Variants in ZNF385D observed in about 807,000 individuals in gnomAD.
ZNF385D encodes zinc finger protein 385D, also known as zinc finger protein 659.
Under a neutral mutation model 35.8 loss-of-function variants are expected in ZNF385D, and 15 were observed. The ratio of observed to expected loss-of-function variants is 0.42; its 90% CI spans 0.28 to 0.64. The LOEUF (loss-of-function observed/expected upper bound fraction) is 0.64. ZNF385D is among the 30% of genes least tolerant of loss of function. The pLI, the probability that ZNF385D is intolerant of heterozygous loss-of-function variation, is 0.23. For missense variants in ZNF385D, 474 were observed against 494.6 expected, an observed-to-expected ratio of 0.96 and a Z score of 0.39; for synonymous variants, 212 against 186.8, an observed-to-expected ratio of 1.13 and a Z score of -1.10.
intron 4 of ZNF385D, among the ~76,000 whole-genome samples, chr3:21,481,831 A>G (rs1704648935): frequency 6.6e-6 from 1 of 152,164 alleles, no homozygotes; most frequent in South Asian, 2.1e-4. Flanking sequence ...GTAGGTGCTC[A>G]ATATATAACT....
intron 2 of ZNF385D, among the ~76,000 whole-genome samples, chr3:22,229,726 C>A (rs1247793608): frequency 6.6e-6 from 1 of 152,182 alleles, no homozygotes; most frequent in Middle Eastern, 3.2e-3. Context: ...CAGCAATAGA[C>A]AAGTGGTCAC....
chr3:21,414,646 T>G lies in ZNF385D; in HGVS notation c.*6568A>C, dbSNP rs1279898887. 6.6e-6 allele frequency: 1 copy of G among 152,088 alleles called. No individual in the cohort carries two copies. The highest frequency in any genetic ancestry group is 1.9e-4 in the East Asian group (1 of 5,176). The allele number at this position is 152,088 out of a possible 1,614,324, so 9.4% of individuals were successfully genotyped here. A position where few individuals can be genotyped will look rare whatever the true frequency, so the allele number is the denominator to read the frequency against. Reference sequence around the variant, plus strand: ...TCCCTATTTTTATCAGAGAGAATCATCAAAATGTCAAGTGAATTGGCCCAG... The same window carrying G: ...TCCCTATTTTTATCAGAGAGAATCAGCAAAATGTCAAGTGAATTGGCCCAG... On this transcript the variant is annotated 3_prime_UTR_variant, in exon 8 of 8. Coordinates refer to ENST00000281523, the MANE Select transcript of ZNF385D (RefSeq NM_024697.3).
chr3:21,501,147 A>T (rs560826410), intron 4 of ZNF385D, among the ~76,000 whole-genome samples: 1 of 152,104 alleles, frequency 6.6e-6, no homozygotes, highest in Non-Finnish European at 1.5e-5. Context: ...TCCAGCCTCT[A>T]TATATACCTG....
intron 1 of ZNF385D, among the ~76,000 whole-genome samples, chr3:21,710,867 A>G (rs950082937): frequency 1.8e-4 from 27 of 152,040 alleles, no homozygotes; most frequent in Admixed American, 5.2e-4. Flanking sequence ...TGATGTTAAG[A>G]AGTTCTTCTT....
chr3:22,229,443 G>T (rs1305046075), intron 2 of ZNF385D, among the ~76,000 whole-genome samples: 2 of 152,136 alleles, frequency 1.3e-5, no homozygotes, highest in African/African-American at 4.8e-5. Flanking sequence ...CTGAAACTCA[G>T]GCACTCCAGG....
chr3:22,118,453 C>T (rs755095740), intron 3 of ZNF385D, among the ~76,000 whole-genome samples: 33 of 151,996 alleles, frequency 2.2e-4, no homozygotes, highest in Non-Finnish European at 7.4e-5. Context: ...GGAGTGAAAA[C>T]ATGGTTGCTG....
At chr3:22,226,622 A>T (rs1698572029) in intron 2 of ZNF385D, among the ~76,000 whole-genome samples, 1 of 152,194 alleles carries the variant, frequency 6.6e-6, no homozygotes, top group Non-Finnish European at 1.5e-5. Context: ...TCATTTGTTT[A>T]TGATATGCTT....
At chr3:22,229,001 G>C (rs1268965045) in intron 2 of ZNF385D, among the ~76,000 whole-genome samples, 1 of 152,204 alleles carries the variant, frequency 6.6e-6, no homozygotes, top group Non-Finnish European at 1.5e-5. Context: ...TTAGGACTTG[G>C]ACTGGCTTCC....
intron 3 of ZNF385D, among the ~76,000 whole-genome samples, chr3:22,003,772 C>T (rs4858374): frequency 1 from 151,870 of 151,872 alleles, 75,934 homozygotes; most frequent in Middle Eastern, 1. Flanking sequence ...GTGGCTGAGG[C>T]GGGAGAATTG....
intron 2 of ZNF385D, among the ~76,000 whole-genome samples, chr3:22,231,157 T>A (rs1196516118): frequency 6.6e-6 from 1 of 151,814 alleles, no homozygotes; most frequent in Non-Finnish European, 1.5e-5. Context: ...AAGAAAGAAA[T>A]AGCCAAAAAG....
chr3:22,020,331 C>CT (rs200875758), intron 3 of ZNF385D, among the ~76,000 whole-genome samples: 1 of 151,548 alleles, frequency 6.6e-6, no homozygotes, highest in Non-Finnish European at 1.5e-5. Context: ...TTGGTGAAAG[C>CT]TTTTTTTTCT....
At chr3:22,167,749 T>G (rs543168731) in intron 3 of ZNF385D, among the ~76,000 whole-genome samples, 3 of 152,344 alleles carry the variant, frequency 2.0e-5, no homozygotes, top group South Asian at 4.1e-4. Flanking sequence ...ATCTTATGCC[T>G]ATAGAATTTA....
At chr3:21,718,569 T>G (rs2068418440) in intron 1 of ZNF385D, among the ~76,000 whole-genome samples, 1 of 152,230 alleles carries the variant, frequency 6.6e-6, no homozygotes, top group Non-Finnish European at 1.5e-5. Context: ...TGCCATTATC[T>G]CTATAGATGA....
chr3:22,301,650 A>T (rs1289005009), intron 2 of ZNF385D, among the ~76,000 whole-genome samples: 1 of 152,088 alleles, frequency 6.6e-6, no homozygotes, highest in Non-Finnish European at 1.5e-5. Context: ...GGTACTTACC[A>T]ACAGGCTTAA....
upstream of ZNF385D, among the ~76,000 whole-genome samples, chr3:21,754,520 T>C (rs1272198596): frequency 6.6e-6 from 1 of 152,196 alleles, no homozygotes; most frequent in African/African-American, 2.4e-5. Flanking sequence ...GTGAAAATTT[T>C]TTCTGTGTTC....
intron 4 of ZNF385D, among the ~76,000 whole-genome samples, chr3:21,489,143 A>AAC (rs1405322853): frequency 6.6e-6 from 1 of 152,062 alleles, no homozygotes; most frequent in African/African-American, 2.4e-5. Flanking sequence ...GACTAACAGA[A>AAC]ACACACACAC....
intron 2 of ZNF385D, among the ~76,000 whole-genome samples, chr3:21,591,683 G>A (rs770378506): frequency 1.3e-5 from 2 of 152,072 alleles, no homozygotes; most frequent in Non-Finnish European, 2.9e-5. Context: ...ATTTTAGCAG[G>A]AAGCACTCCG....
intron 3 of ZNF385D, among the ~76,000 whole-genome samples, chr3:22,160,685 G>A (rs1705889903): frequency 6.6e-6 from 1 of 152,054 alleles, no homozygotes; most frequent in South Asian, 2.1e-4. Flanking sequence ...GGATTTATGT[G>A]CTACAAAACA....
chr3:21,779,752 A>G (rs2071420721), intron 3 of ZNF385D, among the ~76,000 whole-genome samples: 2 of 152,006 alleles, frequency 1.3e-5, no homozygotes, highest in East Asian at 1.9e-4. Flanking sequence ...ACACATTTCT[A>G]TTTAGAACTC....
Sources: gnomAD v4.1 joint callset for allele counts (sites outside exome capture counted in the v4.1 genomes callset) on GRCh38, gnomAD v4.1.1 for gene constraint, MANE v1.5 for transcripts, NCBI Gene and HGNC (gene_info 2026-07-23, HGNC 2026-07-21) for gene names.